DNAAF1: variants seen among roughly 807,000 people sequenced by gnomAD.
DNAAF1 encodes dynein assembly factor 1, axonemal.
In DNAAF1, 65 loss-of-function variants were observed where a neutral mutation model predicts 71.1. The ratio of observed to expected loss-of-function variants is 0.91; its 90% CI spans 0.75 to 1.12. The LOEUF is 1.12. Among genes scored for constraint, DNAAF1 ranks in the 50% most tolerant of loss-of-function variants. The probability of loss-of-function intolerance (pLI) is 0.00; values close to 1 mark genes in which losing one functional copy is unlikely to be tolerated. For synonymous variants in DNAAF1, 414 were observed against 354.6 expected (o/e 1.17, Z -1.88); for missense variants, 1,178 against 899.8 (o/e 1.31, Z -3.96).
At chr16:84,159,212 G>A in intron 5 of DNAAF1, 2 of 1,036,534 alleles carry the variant, frequency 1.9e-6, no homozygotes, top group Non-Finnish European at 2.3e-6. Context: ...CTCAGCAGAG[G>A]TAAGCGGGCA....
At chr16:84,167,844 C>T (rs545645578) in intron 7 of DNAAF1, among the ~76,000 whole-genome samples, 4 of 152,014 alleles carry the variant, frequency 2.6e-5, no homozygotes, top group East Asian at 1.9e-4. Flanking sequence ...GGAGAAACCC[C>T]GTCTCTACTA....
At chr16:84,160,900 G>A (rs1484794015) in intron 6 of DNAAF1, among the ~76,000 whole-genome samples, 1 of 150,066 alleles carries the variant, frequency 6.7e-6, no homozygotes. Flanking sequence ...TCGCGCCACT[G>A]CACTCCAGCC....
rs544231465 is a variant in DNAAF1 at position 84,174,854 on chromosome 16, T to TTTTTCTTTTC, written c.1698+143_1698+152dup. 8.3e-6 allele frequency: 10 copies of TTTTTCTTTTC among 1,210,930 alleles called. No individual in the cohort carries two copies. In the Admixed American group the frequency reaches 9.8e-5, roughly 12 times the overall value. The allele number at this position is 1,210,930 out of a possible 1,614,324, so 75.0% of individuals were successfully genotyped here. On this transcript the variant is annotated intron_variant, in intron 10 of 11. Transcript: ENST00000378553. ...TAAAGCATTGAATTCCCCCATATTC[T>TTTTTCTTTTC]TTTTCTTTTCTTTTCTTTTCAGGCA...
At chr16:84,161,219 G>A (rs957616870) in intron 6 of DNAAF1, among the ~76,000 whole-genome samples, 8 of 152,178 alleles carry the variant, frequency 5.3e-5, no homozygotes, top group African/African-American at 1.9e-4. Flanking sequence ...GCAGGACTCC[G>A]AGCAGGTGCT....
chr16:84,154,696 T>A lies in DNAAF1; in HGVS notation c.472T>A (p.Leu158Met). Residue 158 changes from leucine to methionine, a missense_variant, in exon 4 of 12, where the codon TTG becomes ATG. Coordinates refer to ENST00000378553, the MANE Select transcript of DNAAF1 (RefSeq NM_178452.6). ...CCAAACTGAGTTGCGTTGCCTCTTC[T>A]TGCAAATGAACTTGCTCCGTAAAAT... The part of the protein sequence containing the change: ...EAQTELRCLF[L>M]QMNLLRKIEN... The A allele has an allele frequency of 6.2e-7, 1 of 1,614,186 alleles. No homozygotes were observed. Among genetic ancestry groups the A allele is most frequent in the South Asian group, 1.1e-5 (1 of 91,082 alleles).
Position 84,154,895 on chromosome 16 carries a change from TG to T in DNAAF1, c.574+98del. On this transcript the variant is annotated intron_variant, in intron 4 of 11. Transcript: ENST00000378553. ...CTTTTATATTATGGGCAAGAAGTGG[TG>T]TTTTTTTTTGTCTTTTTTTTGTTTT... 4.5e-6 allele frequency: 5 copies of T among 1,103,404 alleles called. No homozygotes were observed. In the South Asian group the frequency reaches 6.7e-5, roughly 15 times the overall value. 68.4% of individuals were successfully genotyped at this position (1,103,404 alleles called of 1,614,324 possible).
In DNAAF1 at chr16:84,154,624, C is replaced by A; in HGVS notation, c.400C>A (p.Leu134Ile). 6.2e-7 allele frequency: 1 copy of A among 1,614,162 alleles called. No homozygotes were observed. The highest frequency in any genetic ancestry group is 8.5e-7 in the Non-Finnish European group (1 of 1,180,036). ...GGAAGAGTACACAGGGCTGCGCTGT[C>A]TCTGGCTGCAGAGCAATGGAATACA... The part of the protein sequence containing the change: ...NLEEYTGLRC[L>I]WLQSNGIQKI... The change falls in exon 4 of 12, where the codon CTC becomes ATC. Residue 134 changes from leucine (L) to isoleucine (I), a missense_variant. Coordinates refer to ENST00000378553, the MANE Select transcript of DNAAF1 (RefSeq NM_178452.6).
intron 9 of DNAAF1, 144 bp from the exon 10 acceptor site, chr16:84,174,525 G>T: frequency 6.5e-7 from 1 of 1,549,984 alleles, no homozygotes; most frequent in Non-Finnish European, 8.7e-7. Flanking sequence ...CCTTTTGGTG[G>T]GGAACAGGCA....
intron 7 of DNAAF1, 97 bp from the exon 8 acceptor site, chr16:84,169,762 T>G: frequency 3.2e-6 from 5 of 1,553,474 alleles, no homozygotes; most frequent in Non-Finnish European, 3.5e-6. Context: ...ACCTTTTCCC[T>G]GGTCTCAGAA....
At chr16:84,153,353 C>G (rs2087270363) in intron 3 of DNAAF1, among the ~76,000 whole-genome samples, 1 of 152,060 alleles carries the variant, frequency 6.6e-6, no homozygotes, top group Non-Finnish European at 1.5e-5. Context: ...TTTACCTATG[C>G]CACAAACCAG....
intron 10 of DNAAF1, 42 bp from the exon 11 acceptor site, chr16:84,175,891 G>A (rs1316650792): frequency 6.2e-7 from 1 of 1,608,520 alleles, no homozygotes. Flanking sequence ...CGATTCTGTT[G>A]TGAAAACAGA....
At chr16:84,177,681 G>A in intron 11 of DNAAF1, 48 bp from the exon 12 acceptor site, 2 of 1,533,190 alleles carry the variant, frequency 1.3e-6, no homozygotes, top group Non-Finnish European at 1.8e-6. Flanking sequence ...CCCTGTCCTT[G>A]CAGTCACAGT....
chr16:84,155,834 T>C (rs2087400824), intron 5 of DNAAF1, 85 bp downstream of exon 5: 3 of 1,514,166 alleles, frequency 2.0e-6, no homozygotes, highest in South Asian at 1.2e-5. Flanking sequence ...CCTTTTGTCT[T>C]TTCTCTCCTT....
rs753912123 is a variant in DNAAF1 at position 84,145,575 on chromosome 16, C to A, written c.124+11C>A. Reference sequence around the variant, plus strand: ...GGGGCTGCAAGGAAGGTGCCGACTGCCCCCCAGGGAGGGCGGTGGGCGAGG... The same window carrying A: ...GGGGCTGCAAGGAAGGTGCCGACTGACCCCCAGGGAGGGCGGTGGGCGAGG... On this transcript the variant is annotated intron_variant, in intron 1 of 11. Transcript: ENST00000378553. 1 of 1,544,640 alleles carries A rather than the reference C, an allele frequency of 6.5e-7. No individual in the cohort carries two copies. The highest frequency in any genetic ancestry group is 8.7e-7 in the Non-Finnish European group (1 of 1,145,332).
intron 11 of DNAAF1, 72 bp from the exon 12 acceptor site, chr16:84,177,657 C>T (rs954791334): frequency 5.6e-5 from 77 of 1,372,676 alleles, no homozygotes; most frequent in Non-Finnish European, 6.4e-5. Flanking sequence ...CTGGACTGAA[C>T]CCCAAGGCTG....
rs375710371 is a variant in DNAAF1 at position 84,155,635 on chromosome 16, C to T, written c.627C>T (p.Thr209=). 3 of 1,614,000 alleles carry T rather than the reference C, an allele frequency of 1.9e-6. No homozygotes were observed. Among genetic ancestry groups the T allele is most frequent in the African/African-American group, 1.3e-5 (1 of 74,902 alleles). The part of the protein sequence containing the change: ...TLQMAHNHLE[T]VEDIQHLQEC... ...AGATGGCCCACAATCACCTGGAGACCGTGGAGGACATTCAGCATCTACAAG... is the reference window on the plus strand; with the variant it reads ...AGATGGCCCACAATCACCTGGAGACTGTGGAGGACATTCAGCATCTACAAG... The change falls in exon 5 of 12, where the codon ACC becomes ACT. Residue 209 remains threonine (T), a synonymous_variant. Transcript: ENST00000378553.
At chr16:84,169,007 GC>G (rs2088176356) in intron 7 of DNAAF1, among the ~76,000 whole-genome samples, 1 of 150,692 alleles carries the variant, frequency 6.6e-6, no homozygotes, top group Middle Eastern at 3.5e-3. Flanking sequence ...GCTTGGCAGT[GC>G]CTTCCGTAGG....
intron 3 of DNAAF1, among the ~76,000 whole-genome samples, 154 bp from the exon 4 acceptor site, chr16:84,154,423 C>G (rs534294825): frequency 5.5e-4 from 84 of 152,232 alleles, no homozygotes; most frequent in African/African-American, 2.0e-3. Context: ...AGTCCCACCT[C>G]CTAATACCAT....
chr16:84,161,110 G>A (rs2087693118), intron 6 of DNAAF1, among the ~76,000 whole-genome samples: 1 of 152,048 alleles, frequency 6.6e-6, no homozygotes, highest in African/African-American at 2.4e-5. Context: ...ACACCCTTGG[G>A]GGAGCTCCCT....
Sources: gnomAD v4.1 joint callset for allele counts (sites outside exome capture counted in the v4.1 genomes callset) on GRCh38, gnomAD v4.1.1 for gene constraint, MANE v1.5 for transcripts, NCBI Gene and HGNC (gene_info 2026-07-23, HGNC 2026-07-21) for gene names.